The following FHOD3 variants were observed in gnomAD, a reference collection of about 807,000 sequenced individuals.
FHOD3 encodes formin homology 2 domain containing 3.
Under a neutral mutation model 173.0 loss-of-function variants are expected in FHOD3, and 90 were observed. The observed-to-expected ratio is 0.52, with a 90% CI of 0.44 to 0.62. The LOEUF is 0.62. Ranked by LOEUF, FHOD3 falls within the 20% of genes least tolerant of loss-of-function variation. The pLI, the probability that FHOD3 is intolerant of heterozygous loss-of-function variation, is 0.00. For synonymous variants in FHOD3, 828 were observed against 823.0 expected, an observed-to-expected ratio of 1.01 and a Z score of -0.10; for missense variants, 1,945 against 2,034.7, an observed-to-expected ratio of 0.96 and a Z score of 0.85.
At chr18:36,747,731 C>T (rs2042215315) in intron 24 of FHOD3, among the ~76,000 whole-genome samples, 2 of 148,830 alleles carry the variant, frequency 1.3e-5, no homozygotes, top group Admixed American at 6.6e-5. Context: ...GGGTCTGGAA[C>T]AGCCCATGGC....
intron 3 of FHOD3, among the ~76,000 whole-genome samples, chr18:36,402,832 G>A (rs540174016): frequency 4.6e-5 from 7 of 152,172 alleles, no homozygotes; most frequent in South Asian, 4.1e-4. Context: ...GAACCACAGT[G>A]AGTTTCCATC....
intron 1 of FHOD3, 96 bp downstream of exon 1, chr18:36,298,096 T>C: frequency 1.7e-6 from 2 of 1,175,096 alleles, no homozygotes; most frequent in Non-Finnish European, 2.2e-6. Context: ...CCCCCTGGGC[T>C]GGGCTGGGCG....
chr18:36,714,302 C>T (rs2040331562), intron 18 of FHOD3, among the ~76,000 whole-genome samples: 1 of 152,018 alleles, frequency 6.6e-6, no homozygotes. Context: ...TTTGGGAGGC[C>T]GAGGCGGGCA....
At chr18:36,307,811 A>G (rs1158307862) in intron 1 of FHOD3, among the ~76,000 whole-genome samples, 1 of 152,232 alleles carries the variant, frequency 6.6e-6, no homozygotes, top group Non-Finnish European at 1.5e-5. Flanking sequence ...GAACACATGG[A>G]TACATTTGGA....
rs1404757215 is a variant in FHOD3, at chr18:36,682,802, C to T, written c.1970+1232C>T. ...TTACTGTGTTGGCCAGGCTGTTGAA[C>T]TCCTGACCTCAAGTGATCCACCTGC... On this transcript the variant is annotated intron_variant, in intron 15 of 28. Coordinates refer to ENST00000590592, the MANE Select transcript of FHOD3 (RefSeq NM_001281740.3). Among the ~76,000 whole-genome samples the T allele has an allele frequency of 2.6e-5, 4 of 152,174 alleles. No homozygotes were observed. In the East Asian group the frequency reaches 7.7e-4, roughly 29 times the overall value.
intron 2 of FHOD3, 31 bp from the exon 3 acceptor site, chr18:36,372,649 G>A (rs1326014642): frequency 6.2e-7 from 1 of 1,606,280 alleles, no homozygotes; most frequent in Non-Finnish European, 8.5e-7. Context: ...TGACTCCTCT[G>A]ATGCCCCTGT....
chr18:36,720,449 G>C (rs2040701163), intron 19 of FHOD3, among the ~76,000 whole-genome samples: 1 of 151,818 alleles, frequency 6.6e-6, no homozygotes, highest in Non-Finnish European at 1.5e-5. Flanking sequence ...TGTTGGCCAG[G>C]CTGGTCTCAA....
At chr18:36,333,755 T>G (rs1293583836) in intron 1 of FHOD3, among the ~76,000 whole-genome samples, 3 of 152,138 alleles carry the variant, frequency 2.0e-5, no homozygotes, top group Non-Finnish European at 4.4e-5. Flanking sequence ...ATCCTGAAAC[T>G]CTGGGGGTGG....
intron 3 of FHOD3, among the ~76,000 whole-genome samples, chr18:36,455,896 C>T (rs1288604791): frequency 5.3e-5 from 8 of 152,094 alleles, no homozygotes; most frequent in African/African-American, 1.5e-4. Context: ...GGTCTTTCAG[C>T]GGGTGCCATG....
chr18:36,739,337 C>T (rs2041793981), intron 20 of FHOD3, among the ~76,000 whole-genome samples: 1 of 152,156 alleles, frequency 6.6e-6, no homozygotes, highest in African/African-American at 2.4e-5. Flanking sequence ...GGCACACTGC[C>T]TAGGAGTTAG....
At chr18:36,613,043 G>T (rs978521328) in intron 9 of FHOD3, among the ~76,000 whole-genome samples, 1 of 152,222 alleles carries the variant, frequency 6.6e-6, no homozygotes, top group African/African-American at 2.4e-5. Flanking sequence ...AAGGATATGA[G>T]AGGCTCCATG....
chr18:36,473,289 C>A (rs1203941749), intron 3 of FHOD3, among the ~76,000 whole-genome samples: 1 of 152,214 alleles, frequency 6.6e-6, no homozygotes, highest in Non-Finnish European at 1.5e-5. Context: ...TGGCACACGC[C>A]TGTGATCCCA....
intron 13 of FHOD3, among the ~76,000 whole-genome samples, chr18:36,655,010 T>G (rs2149143079): frequency 6.6e-6 from 1 of 152,088 alleles, no homozygotes; most frequent in East Asian, 1.9e-4. Flanking sequence ...AATGGCTTTG[T>G]ATACCTCCAG....
chr18:36,512,672 T>A lies in FHOD3; in HGVS notation c.511+129T>A, dbSNP rs10153411. The stretch of plus-strand genomic sequence containing the variant: ...GAGAGTAAGGTGGTAAAGACACCCT[T>A]TGGCAAAAAAACATCTGCCATAGGT... On this transcript the variant is annotated intron_variant, in intron 5 of 28. Transcript: ENST00000590592. 379,104 of 657,284 alleles carry A rather than the reference T, an allele frequency of 0.58. 110,083 individuals carry two copies. Among genetic ancestry groups the A allele is most frequent in the East Asian group, 0.64 (23,518 of 36,492 alleles). The allele number at this position is 657,284 out of a possible 1,614,324, so 40.7% of individuals were successfully genotyped here. A position where few individuals can be genotyped will look rare whatever the true frequency, so the allele number is the denominator to read the frequency against.
intron 4 of FHOD3, among the ~76,000 whole-genome samples, chr18:36,511,129 A>T (rs1397186801): frequency 6.6e-6 from 1 of 152,142 alleles, no homozygotes; most frequent in Non-Finnish European, 1.5e-5. Context: ...TATTCCATTG[A>T]GCTTTCTACC....
chr18:36,759,125 A>AG lies in FHOD3; in HGVS notation c.4435dup (p.Glu1479GlyfsTer5). The AG allele has an allele frequency of 6.5e-7, 1 of 1,535,748 alleles. No homozygotes were observed. Among genetic ancestry groups the AG allele is most frequent in the South Asian group, 1.2e-5 (1 of 84,050 alleles). ...TCCTGTCCTCTCGGGTAGACTGATGAGGAGGAGGAAGTTGAGGTATGACCA... is the reference window on the plus strand; with the variant it reads ...TCCTGTCCTCTCGGGTAGACTGATGAGGGAGGAGGAAGTTGAGGTATGACCA... On this transcript the variant is annotated frameshift_variant, in exon 26 of 29. Transcript: ENST00000590592. LOFTEE classifies it high-confidence loss of function.
intron 11 of FHOD3, among the ~76,000 whole-genome samples, chr18:36,651,746 T>C (rs1318798423): frequency 1.5e-5 from 2 of 132,500 alleles, no homozygotes; most frequent in East Asian, 4.1e-4. Context: ...CAAAAAACTC[T>C]GCTCAAAAAA....
intron 6 of FHOD3, among the ~76,000 whole-genome samples, chr18:36,585,150 G>A (rs113789056): frequency 6.6e-6 from 1 of 152,120 alleles, no homozygotes; most frequent in Non-Finnish European, 1.5e-5. Flanking sequence ...TGTTTCCAAT[G>A]CTGTGCTGTG....
In FHOD3 at chr18:36,630,872, C is replaced by T. The variant is rs368773011; in HGVS notation, c.1196+5123C>T. On this transcript the variant is annotated intron_variant, in intron 10 of 28. Transcript: ENST00000590592. ...GACTAATGTATGTTTCACAGAAGTCCTCATTCTAATAAATGCAAAGTGATA... is the reference window on the plus strand; with the variant it reads ...GACTAATGTATGTTTCACAGAAGTCTTCATTCTAATAAATGCAAAGTGATA... Among the ~76,000 whole-genome samples, 19 of 152,312 alleles carry T rather than the reference C, an allele frequency of 1.2e-4. 1 individual carries two copies. The East Asian group carries it at 1.5e-3, about 12-fold the overall frequency.
Sources: allele counts gnomAD v4.1 joint callset (sites outside exome capture counted in the v4.1 genomes callset), GRCh38; gene constraint gnomAD v4.1.1; transcripts MANE v1.5; gene names NCBI Gene and HGNC (gene_info 2026-07-23, HGNC 2026-07-21).